Variants in STPG2 observed in about 807,000 individuals in gnomAD.
STPG2 encodes the protein sperm-tail PG-rich repeat-containing protein 2.
A neutral mutation model predicts 54.2 loss-of-function variants in STPG2; 56 were observed. That is an observed-to-expected ratio of 1.03 (90% CI 0.83 to 1.29). The LOEUF is 1.29. Among genes scored for constraint, STPG2 ranks in the 50% most tolerant of loss-of-function variants. The pLI is 0.00. For missense variants in STPG2, 596 were observed against 544.9 expected (o/e 1.09, Z -0.93); for synonymous variants, 200 against 181.8 (o/e 1.10, Z -0.81).
chr4:97,749,812 A>T (rs1015807280), intron 9 of STPG2, among the ~76,000 whole-genome samples: 5 of 151,700 alleles, frequency 3.3e-5, no homozygotes, highest in African/African-American at 1.2e-4. Context: ...CCTAATTCTG[A>T]TGTTTGTTCT....
chr4:97,511,059 A>G (rs905960299), intron 4 of STPG2, among the ~76,000 whole-genome samples: 1 of 152,168 alleles, frequency 6.6e-6, no homozygotes, highest in Non-Finnish European at 1.5e-5. Context: ...TGAAAATGCC[A>G]AAGTACATGG....
intron 5 of STPG2, among the ~76,000 whole-genome samples, chr4:98,016,887 T>C (rs1735965357): frequency 6.6e-6 from 1 of 152,192 alleles, no homozygotes; most frequent in Non-Finnish European, 1.5e-5. Context: ...TATTCTACTC[T>C]TTACAAACAA....
intron 5 of STPG2, among the ~76,000 whole-genome samples, chr4:98,086,406 T>A (rs1428497896): frequency 2.0e-5 from 3 of 151,978 alleles, no homozygotes; most frequent in South Asian, 2.1e-4. Context: ...AAATATTTTT[T>A]AAAAATACAC....
intron 8 of STPG2, among the ~76,000 whole-genome samples, chr4:97,900,335 A>C (rs950335047): frequency 7.2e-5 from 11 of 152,182 alleles, no homozygotes. Context: ...AGTGTAAATT[A>C]GTTCAACCAT....
At chr4:97,853,124 C>T (rs924364471) in intron 8 of STPG2, among the ~76,000 whole-genome samples, 1 of 151,422 alleles carries the variant, frequency 6.6e-6, no homozygotes, top group Non-Finnish European at 1.5e-5. Flanking sequence ...CCACAGGCAC[C>T]CGCCACCGCG....
chr4:97,639,919 G>A (rs1008952431), intron 10 of STPG2, among the ~76,000 whole-genome samples: 40 of 151,956 alleles, frequency 2.6e-4, no homozygotes, highest in African/African-American at 8.2e-4. Context: ...TTTATTCTAC[G>A]CCAGGAGCTC....
intron 5 of STPG2, among the ~76,000 whole-genome samples, chr4:98,028,728 T>G (rs780887118): frequency 3.3e-5 from 5 of 152,194 alleles, no homozygotes; most frequent in Non-Finnish European, 5.9e-5. Flanking sequence ...TCTCTTCCTC[T>G]TTGGAGTTTA....
At chr4:98,081,397 T>A (rs1465808575) in intron 5 of STPG2, among the ~76,000 whole-genome samples, 3 of 149,178 alleles carry the variant, frequency 2.0e-5, no homozygotes, top group South Asian at 2.2e-4. Flanking sequence ...TCTAGATGCA[T>A]GAGTCAAGGG....
chr4:97,634,050 A>G (rs1721405843), intron 10 of STPG2, among the ~76,000 whole-genome samples: 1 of 152,188 alleles, frequency 6.6e-6, no homozygotes, highest in Admixed American at 6.5e-5. Context: ...GGCACAGACA[A>G]ACAAAAAGAC....
chr4:97,635,060 G>A (rs1333764745), intron 10 of STPG2, among the ~76,000 whole-genome samples: 1 of 151,990 alleles, frequency 6.6e-6, no homozygotes, highest in Non-Finnish European at 1.5e-5. Context: ...AAGTTGAAAT[G>A]AAGGAAAAAA....
intron 4 of STPG2, among the ~76,000 whole-genome samples, chr4:97,525,702 C>T (rs1020986672): frequency 2.6e-5 from 4 of 151,792 alleles, no homozygotes; most frequent in African/African-American, 9.7e-5. Flanking sequence ...GAAATGAAAC[C>T]AGAATGTCTA....
At chr4:97,540,076 C>T (rs1190043239) in intron 4 of STPG2, among the ~76,000 whole-genome samples, 1 of 152,018 alleles carries the variant, frequency 6.6e-6, no homozygotes, top group Non-Finnish European at 1.5e-5. Context: ...ACTAGAGAAG[C>T]AAGAGCAAAC....
intron 7 of STPG2, among the ~76,000 whole-genome samples, chr4:97,965,508 T>C (rs1415473249): frequency 1.3e-5 from 2 of 152,084 alleles, no homozygotes; most frequent in Non-Finnish European, 2.9e-5. Context: ...AGCATGGCAT[T>C]TGAACTCTGA....
At chr4:97,749,827 G>T (rs1469268439) in intron 9 of STPG2, among the ~76,000 whole-genome samples, 5 of 151,704 alleles carry the variant, frequency 3.3e-5, no homozygotes, top group Non-Finnish European at 7.4e-5. Context: ...TGTTCTCTCT[G>T]CAGAAATGCT....
intron 10 of STPG2, among the ~76,000 whole-genome samples, chr4:97,617,682 T>C (rs1733909816): frequency 6.6e-6 from 1 of 152,124 alleles, no homozygotes; most frequent in African/African-American, 2.4e-5. Context: ...AGACTATTCC[T>C]TTCCCTTTTC....
intron 9 of STPG2, among the ~76,000 whole-genome samples, chr4:97,839,292 G>A (rs922098220): frequency 6.6e-6 from 1 of 151,538 alleles, no homozygotes; most frequent in Non-Finnish European, 1.5e-5. Flanking sequence ...AGAAACTAAT[G>A]AAACAATTAG....
chr4:97,846,164 T>C (rs1441838110), intron 8 of STPG2, among the ~76,000 whole-genome samples: 2 of 152,024 alleles, frequency 1.3e-5, no homozygotes, highest in East Asian at 1.9e-4. Context: ...TAGTGATGCC[T>C]AGGAGACAAA....
intron 9 of STPG2, among the ~76,000 whole-genome samples, chr4:97,824,344 G>C (rs1436159823): frequency 6.6e-6 from 1 of 152,024 alleles, no homozygotes; most frequent in African/African-American, 2.4e-5. Flanking sequence ...AAAGTTGAAT[G>C]AATGAACTTT....
intron 4 of STPG2, among the ~76,000 whole-genome samples, chr4:97,445,990 C>T (rs1398569546): frequency 6.6e-6 from 1 of 152,150 alleles, no homozygotes; most frequent in African/African-American, 2.4e-5. Context: ...GCCACTGTTA[C>T]AGTCCTTATT....
Sources: allele counts gnomAD v4.1 joint callset (sites outside exome capture counted in the v4.1 genomes callset), GRCh38; gene constraint gnomAD v4.1.1; transcripts MANE v1.5; gene names NCBI Gene and HGNC (gene_info 2026-07-23, HGNC 2026-07-21).